GREB1L: variants seen among roughly 807,000 people sequenced by gnomAD.
GREB1L encodes GREB1-like protein.
GREB1L carries 17 observed loss-of-function variants against 200.8 expected under a neutral mutation model. That is an observed-to-expected ratio of 0.08 (90% confidence interval 0.06 to 0.13). The LOEUF is 0.13. GREB1L is among the 10% of genes least tolerant of loss of function. The pLI is 1.00. For missense variants in GREB1L, 1,657 were observed against 2,367.7 expected (o/e 0.70, Z 6.23); for synonymous variants, 789 against 893.0 (o/e 0.88, Z 2.08).
chr18:21,395,668 G>T, intron 5 of GREB1L, 107 bp downstream of exon 5: 1 of 780,560 alleles, frequency 1.3e-6, no homozygotes. Flanking sequence ...GGATTATTTG[G>T]GGATTATATA....
At chr18:21,333,838 T>C (rs2039144553) in intron 1 of GREB1L, among the ~76,000 whole-genome samples, 2 of 151,732 alleles carry the variant, frequency 1.3e-5, no homozygotes, top group South Asian at 4.2e-4. Context: ...AAAAATTAGC[T>C]CAAAGTAATG....
chr18:21,264,675 C>CT (rs1567913091), intron 1 of GREB1L, among the ~76,000 whole-genome samples: 2 of 147,374 alleles, frequency 1.4e-5, no homozygotes, highest in Admixed American at 1.4e-4. Context: ...CCCTCCCCCC[C>CT]TCCTGGTCAC....
chr18:21,403,306 C>G (rs141834172), intron 6 of GREB1L, among the ~76,000 whole-genome samples: 1 of 152,094 alleles, frequency 6.6e-6, no homozygotes, highest in African/African-American at 2.4e-5. Context: ...TATCATGATC[C>G]GTAACCACTT....
At chr18:21,339,409 A>G (rs2039236044) in intron 1 of GREB1L, among the ~76,000 whole-genome samples, 1 of 152,184 alleles carries the variant, frequency 6.6e-6, no homozygotes, top group African/African-American at 2.4e-5. Flanking sequence ...CCAACATAGC[A>G]TTAGTTATTT....
intron 19 of GREB1L, among the ~76,000 whole-genome samples, 188 bp from the exon 20 acceptor site, chr18:21,495,482 C>G (rs1255632068): frequency 1.3e-5 from 2 of 152,158 alleles, no homozygotes; most frequent in Non-Finnish European, 2.9e-5. Flanking sequence ...CTACAGCCCT[C>G]GTTCCTTCAG....
Position 21,524,731 on chromosome 18 carries a change from C to CATCA in GREB1L, c.*1911_*1914dup, listed in dbSNP as rs763853317. 5.3e-5 allele frequency: 8 copies of CATCA among 151,936 alleles called. No individual in the cohort carries two copies. The highest frequency in any genetic ancestry group is 1.2e-4 in the Non-Finnish European group (8 of 67,990). 9.4% of individuals were successfully genotyped at this position (151,936 alleles called of 1,614,324 possible). A position where few individuals can be genotyped will look rare whatever the true frequency, so the allele number is the denominator to read the frequency against. ...AAAGAACTTTTTTTTTAAGTAGTTA[C>CATCA]ATCAGATGCAGGTACTCCATTAGTT... On this transcript the variant is annotated 3_prime_UTR_variant, in exon 33 of 33. Coordinates refer to ENST00000424526, the MANE Select transcript of GREB1L (RefSeq NM_001142966.3).
chr18:21,261,541 T>G (rs1487757407), intron 1 of GREB1L, among the ~76,000 whole-genome samples: 1 of 152,108 alleles, frequency 6.6e-6, no homozygotes, highest in Non-Finnish European at 1.5e-5. Context: ...TTGTCTTTAG[T>G]CATTTCATTA....
intron 6 of GREB1L, 63 bp downstream of exon 6, chr18:21,401,389 C>A: frequency 7.5e-7 from 1 of 1,340,744 alleles, no homozygotes; most frequent in Non-Finnish European, 1.0e-6. Flanking sequence ...ACAAGTGACC[C>A]ATACAAGATT....
At chr18:21,517,200 T>G (rs920943615) in intron 30 of GREB1L, among the ~76,000 whole-genome samples, 1 of 152,184 alleles carries the variant, frequency 6.6e-6, no homozygotes, top group Non-Finnish European at 1.5e-5. Flanking sequence ...TGTCAAATTT[T>G]CAATCTCATT....
intron 1 of GREB1L, among the ~76,000 whole-genome samples, chr18:21,347,933 ATTTTTTTTTTTTTTTT>A (rs1171946736): frequency 3.9e-5 from 3 of 77,354 alleles, no homozygotes; most frequent in Non-Finnish European, 6.9e-5. Flanking sequence ...CACTCGGCTA[ATTTTTTTTTTTTTTTT>A]TTTTTTTTTT....
At chr18:21,478,284 C>T (rs2035788047) in intron 17 of GREB1L, among the ~76,000 whole-genome samples, 2 of 152,152 alleles carry the variant, frequency 1.3e-5, no homozygotes, top group Admixed American at 6.5e-5. Flanking sequence ...ATAGTTTTTA[C>T]TCCAATCTCT....
intron 18 of GREB1L, among the ~76,000 whole-genome samples, chr18:21,488,054 CA>C (rs958322846): frequency 4.6e-5 from 7 of 150,996 alleles, no homozygotes; most frequent in Non-Finnish European, 8.8e-5. Flanking sequence ...CCTGTAATCC[CA>C]GCACTTTGGG....
chr18:21,435,569 C>A (rs1414430021), intron 7 of GREB1L, among the ~76,000 whole-genome samples: 1 of 152,042 alleles, frequency 6.6e-6, no homozygotes, highest in African/African-American at 2.4e-5. Context: ...AGGAGATCTT[C>A]ACTGTACAAA....
intron 1 of GREB1L, among the ~76,000 whole-genome samples, chr18:21,287,581 A>T (rs191595930): frequency 5.3e-4 from 80 of 152,246 alleles, no homozygotes; most frequent in African/African-American, 1.9e-3. Flanking sequence ...CTAGTATTTT[A>T]TGACTCACTC....
At chr18:21,495,610 TA>T in intron 19 of GREB1L, 59 bp from the exon 20 acceptor site, 1 of 913,256 alleles carries the variant, frequency 1.1e-6, no homozygotes, top group African/African-American at 1.7e-5. Flanking sequence ...CAGAAGCCTG[TA>T]AAAAAGGTGG....
intron 10 of GREB1L, among the ~76,000 whole-genome samples, chr18:21,443,338 A>T (rs1012397790): frequency 2.6e-5 from 4 of 151,888 alleles, no homozygotes; most frequent in Non-Finnish European, 4.4e-5. Flanking sequence ...ATGTAGTTGC[A>T]TGCCACCATG....
At chr18:21,521,180 G>A (rs892311850) in intron 32 of GREB1L, among the ~76,000 whole-genome samples, 1 of 150,542 alleles carries the variant, frequency 6.6e-6, no homozygotes, top group Non-Finnish European at 1.5e-5. Flanking sequence ...CTGGGCAACA[G>A]AGCAAGACTC....
At position 21,291,383 on chromosome 18, in the gene GREB1L, C is replaced by G. The variant is rs975801643; in HGVS notation, c.-120+48990C>G. On this transcript the variant is annotated intron_variant, in intron 1 of 32. Coordinates refer to ENST00000424526, the MANE Select transcript of GREB1L (RefSeq NM_001142966.3). ...TCCCTGACTCGCTATCTACCCTTCA[C>G]TCACTATCCACTCTTCATGTTAGAG... 1.4e-4 allele frequency among the ~76,000 whole-genome samples: 22 copies of G among 152,198 alleles called. 1 individual carries two copies. Among genetic ancestry groups the G allele is most frequent in the Admixed American group, 7.2e-4 (11 of 15,280 alleles).
intron 15 of GREB1L, among the ~76,000 whole-genome samples, chr18:21,459,257 C>CTTTTCT (rs1240059732): frequency 8.0e-6 from 1 of 124,526 alleles, no homozygotes; most frequent in Non-Finnish European, 1.8e-5. Context: ...TTCCCACTTT[C>CTTTTCT]TTTTCTTTTT....
Sources: allele counts gnomAD v4.1 joint callset (sites outside exome capture counted in the v4.1 genomes callset), GRCh38; gene constraint gnomAD v4.1.1; transcripts MANE v1.5; gene names NCBI Gene and HGNC (gene_info 2026-07-23, HGNC 2026-07-21).